Variants in HMGCLL1 observed in about 807,000 individuals in gnomAD.
HMGCLL1 encodes 3-hydroxy-3-methylglutaryl-CoA lyase like 1.
HMGCLL1 carries 36 observed loss-of-function variants against 39.1 expected under a neutral mutation model. The ratio of observed to expected loss-of-function variants is 0.92; its 90% CI spans 0.71 to 1.22. The LOEUF is 1.22. Ranked by LOEUF, HMGCLL1 falls within the 50% of genes most tolerant of loss-of-function variation. The pLI is 0.00. For missense variants in HMGCLL1, 451 were observed against 416.5 expected, an observed-to-expected ratio of 1.08 and a Z score of -0.72; for synonymous variants, 149 against 144.0, an observed-to-expected ratio of 1.03 and a Z score of -0.25.
chr6:55,625,247 C>A, the HMGCLL1 span, among the ~76,000 whole-genome samples: 4 of 152,114 alleles, frequency 2.6e-5, no homozygotes, highest in African/African-American at 9.7e-5. Flanking sequence ...AATTGCCTAT[C>A]ATGAACTGGG....
the HMGCLL1 span, among the ~76,000 whole-genome samples, chr6:55,614,104 A>G: frequency 6.6e-6 from 1 of 152,116 alleles, no homozygotes; most frequent in African/African-American, 2.4e-5. Context: ...GATTAGATAT[A>G]TGTAAATTCA....
intron 7 of HMGCLL1, among the ~76,000 whole-genome samples, chr6:55,485,422 TAGTAGTA>T (rs1765973841): frequency 6.6e-6 from 1 of 152,066 alleles, no homozygotes; most frequent in South Asian, 2.1e-4. Flanking sequence ...CAGTATCTGA[TAGTAGTA>T]AGCATTCAAG....
chr6:55,586,288 T>C, the HMGCLL1 span, among the ~76,000 whole-genome samples: 2 of 151,824 alleles, frequency 1.3e-5, no homozygotes, highest in Non-Finnish European at 2.9e-5. Flanking sequence ...TTCGAGAGGA[T>C]TGGGTAGACA....
the HMGCLL1 span, among the ~76,000 whole-genome samples, chr6:55,601,573 G>A: frequency 1.3e-5 from 2 of 152,022 alleles, no homozygotes; most frequent in Non-Finnish European, 2.9e-5. Flanking sequence ...ACTGCAAAGG[G>A]CATAAATATA....
intron 7 of HMGCLL1, among the ~76,000 whole-genome samples, chr6:55,475,215 T>G (rs907808428): frequency 2.6e-5 from 4 of 151,612 alleles, no homozygotes; most frequent in African/African-American, 4.8e-5. Context: ...GCCTTTGTAA[T>G]GAAGAATATT....
the HMGCLL1 span, among the ~76,000 whole-genome samples, chr6:55,593,564 C>A: frequency 2.0e-5 from 3 of 152,074 alleles, no homozygotes; most frequent in Admixed American, 2.0e-4. Context: ...AGTACTTTGT[C>A]TTCAGGAAAT....
chr6:55,461,625 T>G lies in HMGCLL1; in HGVS notation c.796-22066A>C, dbSNP rs973148493. ...CTGGTTTGTTTTTGGTATTTCATTT[T>G]AAATTAAAATCATCCTGTAAACAAG... is the stretch of plus-strand genomic sequence containing the variant. On this transcript the variant is annotated intron_variant, in intron 7 of 8. Coordinates refer to ENST00000274901, the MANE Select transcript of HMGCLL1 (RefSeq NM_001042406.2). Among the ~76,000 whole-genome samples, 4 of 152,264 alleles carry G rather than the reference T, an allele frequency of 2.6e-5. No homozygotes were observed. The East Asian group carries it at 7.7e-4, about 29-fold the overall frequency.
intron 3 of HMGCLL1, among the ~76,000 whole-genome samples, chr6:55,529,475 A>G (rs911435534): frequency 1.4e-5 from 2 of 146,622 alleles, no homozygotes; most frequent in Non-Finnish European, 3.0e-5. Flanking sequence ...GACACTGGAA[A>G]TAAGTAATAA....
chr6:55,469,417 AAGTATACATATATAAG>A (rs1314886265), intron 7 of HMGCLL1, among the ~76,000 whole-genome samples: 4 of 110,932 alleles, frequency 3.6e-5, no homozygotes, highest in African/African-American at 1.1e-4. Flanking sequence ...ATATACTTAT[AAGTATACATATATAAG>A]TATATATACA....
At chr6:55,676,146 C>A in the HMGCLL1 span, among the ~76,000 whole-genome samples, 1 of 152,004 alleles carries the variant, frequency 6.6e-6, no homozygotes, top group Non-Finnish European at 1.5e-5. Context: ...TGGTTAATAC[C>A]AAACACCACT....
At chr6:55,559,234 T>C (rs73744632) in intron 1 of HMGCLL1, among the ~76,000 whole-genome samples, 3,948 of 152,248 alleles carry the variant, frequency 0.026, 162 homozygotes, top group African/African-American at 0.09. Context: ...GAGCAAATAC[T>C]ACAAATATAG....
At chr6:55,559,632 C>G (rs968350062) in intron 1 of HMGCLL1, among the ~76,000 whole-genome samples, 2 of 152,146 alleles carry the variant, frequency 1.3e-5, no homozygotes, top group African/African-American at 4.8e-5. Flanking sequence ...AATTCACCTG[C>G]AATTATTATA....
intron 7 of HMGCLL1, among the ~76,000 whole-genome samples, chr6:55,449,358 C>T (rs1046647921): frequency 2.6e-5 from 4 of 152,156 alleles, no homozygotes; most frequent in African/African-American, 4.8e-5. Flanking sequence ...AATAGCCAAA[C>T]GCAGATGACA....
chr6:55,639,160 G>C, the HMGCLL1 span, among the ~76,000 whole-genome samples: 1 of 151,850 alleles, frequency 6.6e-6, no homozygotes, highest in Non-Finnish European at 1.5e-5. Flanking sequence ...ATTAAATTAA[G>C]TAATTCATGT....
the HMGCLL1 span, among the ~76,000 whole-genome samples, chr6:55,598,161 A>G: frequency 6.6e-6 from 1 of 152,164 alleles, no homozygotes; most frequent in African/African-American, 2.4e-5. Context: ...TGTGCTGTAA[A>G]AGAATCTATC....
At chr6:55,644,646 G>A in the HMGCLL1 span, among the ~76,000 whole-genome samples, 375 of 151,946 alleles carry the variant, frequency 2.5e-3, 1 homozygote, top group African/African-American at 8.5e-3. Context: ...ATTGTTTATC[G>A]AAGAGGCTAT....
At chr6:55,609,368 G>T in the HMGCLL1 span, among the ~76,000 whole-genome samples, 1 of 152,072 alleles carries the variant, frequency 6.6e-6, no homozygotes, top group Admixed American at 6.6e-5. Context: ...TGGATAGCTT[G>T]GTCCAAAGAG....
chr6:55,481,240 A>G (rs371029329), intron 7 of HMGCLL1, among the ~76,000 whole-genome samples: 21 of 151,804 alleles, frequency 1.4e-4, no homozygotes, highest in African/African-American at 4.6e-4. Context: ...TTATCTAGGT[A>G]TGGTTTTCAT....
At chr6:55,664,748 A>G in the HMGCLL1 span, among the ~76,000 whole-genome samples, 4 of 151,708 alleles carry the variant, frequency 2.6e-5, no homozygotes, top group Non-Finnish European at 4.4e-5. Flanking sequence ...GTCAGGCTGC[A>G]GTCATCTCAA....
Sources: allele counts gnomAD v4.1 joint callset (sites outside exome capture counted in the v4.1 genomes callset), GRCh38; gene constraint gnomAD v4.1.1; transcripts MANE v1.5; gene names NCBI Gene and HGNC (gene_info 2026-07-23, HGNC 2026-07-21).